The following ANKS1B variants were observed in gnomAD, a reference collection of about 807,000 sequenced individuals.
ANKS1B encodes ankyrin repeat and sterile alpha motif domain containing 1B, also known as ankyrin repeat and sterile alpha motif domain-containing protein 1B.
ANKS1B carries 36 observed loss-of-function variants against 148.3 expected under a neutral mutation model. The observed-to-expected ratio is 0.24, with a 90% CI of 0.19 to 0.32. The LOEUF (loss-of-function observed/expected upper bound fraction) is 0.32. Ranked by LOEUF, ANKS1B falls within the 10% of genes least tolerant of loss-of-function variation. The probability of loss-of-function intolerance (pLI) is 1.00; values close to 1 mark genes in which losing one functional copy is unlikely to be tolerated. For synonymous variants in ANKS1B, 542 were observed against 560.8 expected (o/e 0.97, Z 0.47); for missense variants, 1,157 against 1,542.6 (o/e 0.75, Z 4.19).
chr12:98,872,997 A>G (rs1191239648), intron 17 of ANKS1B, among the ~76,000 whole-genome samples: 1 of 152,214 alleles, frequency 6.6e-6, no homozygotes, highest in African/African-American at 2.4e-5. Flanking sequence ...GATTTAGGAT[A>G]AGCTGAGAGG....
intron 19 of ANKS1B, among the ~76,000 whole-genome samples, chr12:98,818,973 T>G (rs192880727): frequency 1.3e-5 from 2 of 152,242 alleles, no homozygotes; most frequent in East Asian, 3.9e-4. Context: ...AGCTAAGAGG[T>G]CTCTAGTAGA....
At chr12:99,191,692 A>G (rs868630528) in intron 14 of ANKS1B, among the ~76,000 whole-genome samples, 16 of 152,092 alleles carry the variant, frequency 1.1e-4, no homozygotes, top group Non-Finnish European at 1.9e-4. Flanking sequence ...TGGGCCTGTC[A>G]GGGAGTAGGG....
intron 4 of ANKS1B, among the ~76,000 whole-genome samples, chr12:99,796,719 T>C (rs981257971): frequency 6.6e-6 from 1 of 151,902 alleles, no homozygotes; most frequent in African/African-American, 2.4e-5. Context: ...AACTATAAAG[T>C]AATGACAAGT....
At chr12:99,407,110 G>A (rs2094549050) in intron 11 of ANKS1B, among the ~76,000 whole-genome samples, 1 of 145,602 alleles carries the variant, frequency 6.9e-6, no homozygotes, top group Admixed American at 6.8e-5. Context: ...CCTGATGCAT[G>A]TTGATGCAAA....
intron 14 of ANKS1B, among the ~76,000 whole-genome samples, chr12:99,218,573 G>A (rs1205554784): frequency 6.6e-6 from 1 of 152,076 alleles, no homozygotes; most frequent in Non-Finnish European, 1.5e-5. Context: ...CCAACCCCCT[G>A]GAAAGATTCA....
At chr12:99,004,582 G>GA (rs1189761259) in intron 17 of ANKS1B, among the ~76,000 whole-genome samples, 2 of 151,250 alleles carry the variant, frequency 1.3e-5, no homozygotes, top group Non-Finnish European at 2.9e-5. Context: ...TTCTGTTTGA[G>GA]AAAAATGAGA....
intron 8 of ANKS1B, among the ~76,000 whole-genome samples, chr12:99,666,606 G>C (rs1008077548): frequency 6.6e-6 from 1 of 152,050 alleles, no homozygotes; most frequent in Admixed American, 6.5e-5. Flanking sequence ...ATAGTCTTCA[G>C]TGTACAGGTC....
chr12:98,954,308 A>T (rs185298433), intron 17 of ANKS1B: 26 of 152,302 alleles, frequency 1.7e-4, no homozygotes, highest in Non-Finnish European at 3.7e-4. Flanking sequence ...TACTAAATAG[A>T]TTTTAGTGTC....
At chr12:99,481,603 A>G (rs984412256) in intron 10 of ANKS1B, among the ~76,000 whole-genome samples, 1 of 151,858 alleles carries the variant, frequency 6.6e-6, no homozygotes, top group Admixed American at 6.6e-5. Context: ...TTAGCTCTTT[A>G]AGGAACCTCC....
At chr12:99,717,387 T>C (rs909917133) in intron 8 of ANKS1B, among the ~76,000 whole-genome samples, 4 of 152,178 alleles carry the variant, frequency 2.6e-5, no homozygotes, top group African/African-American at 4.8e-5. Context: ...ATCTCCAGCA[T>C]ACAAGAACTT....
chr12:99,292,809 T>C (rs1444766014), intron 12 of ANKS1B, among the ~76,000 whole-genome samples: 1 of 152,174 alleles, frequency 6.6e-6, no homozygotes, highest in Non-Finnish European at 1.5e-5. Flanking sequence ...AGATACCATC[T>C]CACACCAGTT....
At chr12:99,553,270 G>A (rs1169187302) in intron 9 of ANKS1B, among the ~76,000 whole-genome samples, 1 of 152,126 alleles carries the variant, frequency 6.6e-6, no homozygotes, top group Non-Finnish European at 1.5e-5. Flanking sequence ...AGGAAAATTA[G>A]GATAGCCCTC....
At chr12:99,537,505 A>G (rs910284327) in intron 9 of ANKS1B, among the ~76,000 whole-genome samples, 1 of 152,138 alleles carries the variant, frequency 6.6e-6, no homozygotes, top group Non-Finnish European at 1.5e-5. Context: ...TATTTCTCCA[A>G]TGATCAATGA....
rs1482483788 is a variant in ANKS1B, at chr12:99,825,343, T to C, written c.181A>G (p.Thr61Ala). 1.2e-6 allele frequency: 2 copies of C among 1,612,816 alleles called. No homozygotes were observed. Among genetic ancestry groups the C allele is most frequent in the Non-Finnish European group, 1.7e-6 (2 of 1,179,482 alleles). The change falls in exon 2 of 27, where the codon ACT (threonine) becomes GCT (alanine). Residue 61 changes from threonine (T) to alanine (A), a missense_variant. Coordinates refer to ENST00000683438, the MANE Select transcript of ANKS1B (RefSeq NM_001352186.2). Reference protein sequence around the residue: ...NVNCTDSSGYTALHHAALNGH... With the variant: ...NVNCTDSSGYAALHHAALNGH... ...TTTAAGGCTGCGTGGTGTAAAGCAGTGTAACCCGAACTGTCTGTGCAGTTC... is the reference window on the plus strand; with the variant it reads ...TTTAAGGCTGCGTGGTGTAAAGCAGCGTAACCCGAACTGTCTGTGCAGTTC...
intron 10 of ANKS1B, among the ~76,000 whole-genome samples, chr12:99,456,752 C>A (rs1217598810): frequency 6.6e-6 from 1 of 151,958 alleles, no homozygotes; most frequent in Non-Finnish European, 1.5e-5. Flanking sequence ...TGAACAAGGC[C>A]TCCAAGAAAA....
intron 17 of ANKS1B, among the ~76,000 whole-genome samples, chr12:98,856,111 C>T (rs2099570011): frequency 6.6e-6 from 1 of 152,202 alleles, no homozygotes; most frequent in Admixed American, 6.5e-5. Context: ...TAAATAATTC[C>T]TCAGCAAACA....
chr12:99,894,521 A>C (rs75869176), intron 1 of ANKS1B, among the ~76,000 whole-genome samples: 28 of 145,430 alleles, frequency 1.9e-4, no homozygotes, highest in East Asian at 1.4e-3. Context: ...AAAAAAAAAA[A>C]AAAAAAAAAC....
intron 9 of ANKS1B, among the ~76,000 whole-genome samples, chr12:99,620,461 T>A (rs545638156): frequency 1.0e-3 from 159 of 152,014 alleles, no homozygotes; most frequent in Middle Eastern, 3.4e-3. Flanking sequence ...CAAAACAAAG[T>A]TGAAAATCAA....
chr12:99,068,830 G>C (rs532837014), intron 16 of ANKS1B, among the ~76,000 whole-genome samples: 1 of 152,066 alleles, frequency 6.6e-6, no homozygotes, highest in Admixed American at 6.5e-5. Context: ...TGTCTGAAGT[G>C]ACTCCTTCAA....
Sources: allele counts gnomAD v4.1 joint callset (sites outside exome capture counted in the v4.1 genomes callset), GRCh38; gene constraint gnomAD v4.1.1; transcripts MANE v1.5; gene names NCBI Gene and HGNC (gene_info 2026-07-23, HGNC 2026-07-21).